Variants in PLOD1 observed in about 807,000 individuals in gnomAD.
The protein encoded by PLOD1 is procollagen-lysine,2-oxoglutarate 5-dioxygenase 1.
In PLOD1, 70 loss-of-function variants were observed where a neutral mutation model predicts 94.7. That is an observed-to-expected ratio of 0.74 (90% CI 0.61 to 0.90). The LOEUF is 0.90. PLOD1 is among the 40% of genes least tolerant of loss of function. The probability of loss-of-function intolerance (pLI) is 0.00; values close to 1 mark genes in which losing one functional copy is unlikely to be tolerated. For missense variants in PLOD1, 905 were observed against 972.7 expected (o/e 0.93, Z 0.93); for synonymous variants, 417 against 400.2 (o/e 1.04, Z -0.50).
intron 1 of PLOD1, among the ~76,000 whole-genome samples, chr1:11,941,385 G>A (rs1223162281): frequency 6.6e-6 from 1 of 151,982 alleles, no homozygotes; most frequent in African/African-American, 2.4e-5. Context: ...GGGCTGGGGT[G>A]CAGTGGCACA....
intron 16 of PLOD1, among the ~76,000 whole-genome samples, chr1:11,970,404 A>G (rs1291416926): frequency 6.6e-6 from 1 of 152,158 alleles, no homozygotes; most frequent in African/African-American, 2.4e-5. Context: ...CTGCGCTCTT[A>G]CCTGTGCAAC....
In PLOD1 at chr1:11,958,500, GC is replaced by G; in HGVS notation, c.844-13del. The stretch of plus-strand genomic sequence containing the variant: ...CTGGACACTGCTGGACTCTTGTGCC[GC>G]CCTCCCTGGTGCAGGATGAAGCTCT... On this transcript the variant is annotated splice_polypyrimidine_tract_variant and intron_variant, in intron 8 of 18. Coordinates refer to ENST00000196061, the MANE Select transcript of PLOD1 (RefSeq NM_000302.4). The surrounding 1 kb of genome is among the most constrained non-coding windows in gnomAD (Gnocchi z 4.3). 1 of 1,612,748 alleles carries G rather than the reference GC, an allele frequency of 6.2e-7. No individual in the cohort carries two copies. Among genetic ancestry groups the G allele is most frequent in the East Asian group, 2.2e-5 (1 of 44,832 alleles).
At chr1:11,971,870 C>T (rs1645867029) in intron 17 of PLOD1, 1 of 152,272 alleles carries the variant, frequency 6.6e-6, no homozygotes, top group African/African-American at 2.4e-5. Flanking sequence ...CCCTGAACTC[C>T]TGTTACTGAC....
chr1:11,952,806 C>G (rs1645712777), intron 5 of PLOD1, 71 bp downstream of exon 5: 1 of 1,082,584 alleles, frequency 9.2e-7, no homozygotes, highest in Non-Finnish European at 1.4e-6. Flanking sequence ...GGAACAGCTC[C>G]TCTCAGGCCT....
intron 18 of PLOD1, among the ~76,000 whole-genome samples, chr1:11,973,285 G>C (rs1412443381): frequency 6.6e-6 from 1 of 152,108 alleles, no homozygotes; most frequent in Non-Finnish European, 1.5e-5. Flanking sequence ...AGATCACTTG[G>C]GGCCAGGAGT....
rs1450194655 is a variant in PLOD1 at position 11,935,456 on chromosome 1, C to A, written c.76+601C>A. On this transcript the variant is annotated intron_variant, in intron 1 of 18. Transcript: ENST00000196061. ...CCATGTCCCCTGTGGTCTGCTTAGCCCCTGCCAGGGTGGTCTTCCTCTCTG... is the reference window on the plus strand; with the variant it reads ...CCATGTCCCCTGTGGTCTGCTTAGCACCTGCCAGGGTGGTCTTCCTCTCTG... Among the ~76,000 whole-genome samples the A allele has an allele frequency of 3.3e-5, 5 of 151,946 alleles. No individual in the cohort carries two copies. The East Asian group carries it at 9.6e-4, about 29-fold the overall frequency.
chr1:11,941,615 G>A (rs1645616054), intron 1 of PLOD1, among the ~76,000 whole-genome samples: 1 of 152,010 alleles, frequency 6.6e-6, no homozygotes, highest in Non-Finnish European at 1.5e-5. Flanking sequence ...GAATAGCAGG[G>A]ATTATAGGCG....
intron 2 of PLOD1, among the ~76,000 whole-genome samples, chr1:11,948,438 T>C (rs1295249521): frequency 6.6e-6 from 1 of 152,124 alleles, no homozygotes; most frequent in Non-Finnish European, 1.5e-5. Context: ...AACACTGCTC[T>C]AAAGAAACAT....
In PLOD1 at chr1:11,970,815, G is replaced by T; in HGVS notation, c.1901G>T (p.Arg634Met). 6.2e-7 allele frequency: 1 copy of T among 1,607,664 alleles called. No homozygotes were observed. The highest frequency in any genetic ancestry group is 8.5e-7 in the Non-Finnish European group (1 of 1,178,892). Residue 634 changes from arginine (R) to methionine (M), a missense_variant and splice_region_variant, in exon 17 of 19, where the codon AGG becomes ATG. Transcript: ENST00000196061. ...TEKLYPGYYT[R>M]AQFDLAFVVR... ...AAGCTCTACCCCGGCTACTACACCA[G>T]GGTGGGCAAGCCTGGGGCATAGCCA...
chr1:11,940,936 A>G (rs1645610882), intron 1 of PLOD1, among the ~76,000 whole-genome samples: 1 of 152,232 alleles, frequency 6.6e-6, no homozygotes, highest in South Asian at 2.1e-4. Context: ...TTTTGTCTGC[A>G]GCCAGGAGTC....
At chr1:11,955,455 C>T (rs893051957) in intron 6 of PLOD1, among the ~76,000 whole-genome samples, 3 of 152,138 alleles carry the variant, frequency 2.0e-5, no homozygotes, top group Non-Finnish European at 2.9e-5. Context: ...GGAAGTGAAC[C>T]GGATCCACTG....
intron 1 of PLOD1, among the ~76,000 whole-genome samples, chr1:11,936,352 C>T (rs1182380557): frequency 6.6e-6 from 1 of 151,350 alleles, no homozygotes; most frequent in East Asian, 2.0e-4. Flanking sequence ...AGGGCTGTCC[C>T]GAGAAGGGCA....
At chr1:11,951,293 C>T (rs190092745) in intron 4 of PLOD1, among the ~76,000 whole-genome samples, 2 of 151,972 alleles carry the variant, frequency 1.3e-5, no homozygotes, top group African/African-American at 4.8e-5. Flanking sequence ...AGGCCAGGCG[C>T]GGTGGCTCAC....
intron 1 of PLOD1, among the ~76,000 whole-genome samples, chr1:11,935,450 C>T (rs764720905): frequency 6.6e-6 from 1 of 152,132 alleles, no homozygotes; most frequent in Non-Finnish European, 1.5e-5. Flanking sequence ...CTGTGGTCTG[C>T]TTAGCCCCTG....
At chr1:11,939,953 A>G (rs1027051954) in intron 1 of PLOD1, among the ~76,000 whole-genome samples, 7 of 152,058 alleles carry the variant, frequency 4.6e-5, no homozygotes, top group Non-Finnish European at 8.8e-5. Flanking sequence ...TTGTACAGAC[A>G]GGGTCTCACT....
intron 10 of PLOD1, among the ~76,000 whole-genome samples, chr1:11,961,062 C>T (rs996590450): frequency 2.0e-5 from 3 of 151,836 alleles, no homozygotes; most frequent in African/African-American, 7.3e-5. Flanking sequence ...ATTAGGGAGC[C>T]AACCTTGAAT....
At chr1:11,950,013 C>G in intron 3 of PLOD1, 107 bp downstream of exon 3, 1 of 1,177,956 alleles carries the variant, frequency 8.5e-7, no homozygotes, top group Non-Finnish European at 1.3e-6. Flanking sequence ...ACCACTCTAG[C>G]TAAGGTTGCC....
At position 11,950,430 on chromosome 1, in the gene PLOD1, T is replaced by C. The variant is rs144702307; in HGVS notation, c.376T>C (p.Phe126Leu). ...KFRQARSQVVFSAEELIYPDR... is the reference protein window; with the variant it reads ...KFRQARSQVVLSAEELIYPDR... ...CCGGCAGGCCAGGAGCCAGGTGGTC[T>C]TCTCTGCTGAGGAGCTCATCTACCC... is the stretch of plus-strand genomic sequence containing the variant. Residue 126 changes from phenylalanine to leucine, a missense_variant, in exon 4 of 19, where the codon TTC becomes CTC. Physicochemically the swap from Phe to Leu is conservative, Grantham distance 22. Transcript: ENST00000196061. The C allele has an allele frequency of 1.2e-6, 2 of 1,614,150 alleles. No individual in the cohort carries two copies. Among genetic ancestry groups the C allele is most frequent in the African/African-American group, 1.3e-5 (1 of 75,038 alleles).
At chr1:11,947,858 T>C (rs1433722384) in intron 1 of PLOD1, 118 bp from the exon 2 acceptor site, 2 of 742,172 alleles carry the variant, frequency 2.7e-6, no homozygotes, top group African/African-American at 3.4e-5. Flanking sequence ...TGTTCTGTAA[T>C]GGGTTGACAT....
Sources: allele counts gnomAD v4.1 joint callset (sites outside exome capture counted in the v4.1 genomes callset), GRCh38; gene constraint gnomAD v4.1.1; non-coding constraint Gnocchi (gnomAD v3.1); transcripts MANE v1.5; gene names NCBI Gene and HGNC (gene_info 2026-07-23, HGNC 2026-07-21).